Variants in UNC79 observed in about 807,000 individuals in gnomAD.
UNC79 encodes the protein protein unc-79 homolog.
In UNC79, 37 loss-of-function variants were observed where a neutral mutation model predicts 283.1. The ratio of observed to expected loss-of-function variants is 0.13; its 90% CI spans 0.10 to 0.17. UNC79 has a LOEUF of 0.17. Among genes scored for constraint, UNC79 ranks in the 10% least tolerant of loss-of-function variants. The pLI is 1.00. For synonymous variants in UNC79, 1,107 were observed against 1,200.2 expected (o/e 0.92, Z 1.61); for missense variants, 2,272 against 3,211.1 (o/e 0.71, Z 7.07).
At chr14:93,519,921 A>G (rs960931071) in intron 7 of UNC79, among the ~76,000 whole-genome samples, 1 of 151,882 alleles carries the variant, frequency 6.6e-6, no homozygotes, top group East Asian at 1.9e-4. Flanking sequence ...TAAATAATCA[A>G]CCATCTTTTA....
At chr14:93,707,063 A>C, downstream of UNC79, 1 of 785,582 alleles carries the variant, frequency 1.3e-6, no homozygotes, top group Non-Finnish European at 1.9e-6. Flanking sequence ...CCGAAAATGA[A>C]GCTTTCTTGC....
chr14:93,399,257 A>C (rs2055058656), intron 1 of UNC79, among the ~76,000 whole-genome samples: 2 of 152,164 alleles, frequency 1.3e-5, no homozygotes, highest in African/African-American at 4.8e-5. Flanking sequence ...TGGGGATTAC[A>C]ATTTGAGATG....
At chr14:93,472,185 T>C (rs2057545345) in intron 2 of UNC79, among the ~76,000 whole-genome samples, 1 of 152,200 alleles carries the variant, frequency 6.6e-6, no homozygotes, top group African/African-American at 2.4e-5. Flanking sequence ...CTCTGACTTA[T>C]AGCCATTGTG....
At chr14:93,679,183 G>A (rs955622669) in intron 41 of UNC79, among the ~76,000 whole-genome samples, 9 of 152,098 alleles carry the variant, frequency 5.9e-5, no homozygotes, top group Non-Finnish European at 8.8e-5. Context: ...ATATTCGACC[G>A]GGTGTGGTGC....
intron 40 of UNC79, among the ~76,000 whole-genome samples, chr14:93,664,523 G>T (rs964952984): frequency 6.6e-6 from 1 of 152,160 alleles, no homozygotes; most frequent in Non-Finnish European, 1.5e-5. Flanking sequence ...CAGGCAGGGA[G>T]TTTGATCTGA....
intron 41 of UNC79, among the ~76,000 whole-genome samples, chr14:93,678,689 T>C (rs11844312): frequency 0.74 from 111,978 of 151,776 alleles, 42,353 homozygotes; most frequent in African/African-American, 0.88. Flanking sequence ...ATTCCCCAGC[T>C]GCCTCTATTG....
At chr14:93,659,337 T>C in intron 39 of UNC79, 76 bp downstream of exon 42, 1 of 1,185,946 alleles carries the variant, frequency 8.4e-7, no homozygotes, top group Non-Finnish European at 1.2e-6. Flanking sequence ...CTTGTAGCAA[T>C]ACTGAAGACA....
chr14:93,361,301 A>G (rs2139942402), intron 1 of UNC79, among the ~76,000 whole-genome samples: 1 of 151,628 alleles, frequency 6.6e-6, no homozygotes, highest in South Asian at 2.1e-4. Flanking sequence ...TTTTGTAGGC[A>G]ACACATTCCT....
chr14:93,558,044 A>G (rs1465809126), intron 14 of UNC79, among the ~76,000 whole-genome samples: 1 of 152,154 alleles, frequency 6.6e-6, no homozygotes, highest in African/African-American at 2.4e-5. Context: ...CAAGAGGGAA[A>G]CTACATTTGG....
intron 4 of UNC79, among the ~76,000 whole-genome samples, chr14:93,487,100 A>G (rs2140461040): frequency 6.6e-6 from 1 of 152,330 alleles, no homozygotes; most frequent in South Asian, 2.1e-4. Context: ...GTTTGAATAA[A>G]ACTGTTTAAT....
intron 1 of UNC79, among the ~76,000 whole-genome samples, chr14:93,420,177 A>AT (rs1198256140): frequency 2.0e-5 from 3 of 147,448 alleles, no homozygotes; most frequent in Non-Finnish European, 4.5e-5. Flanking sequence ...GGCTGAACAG[A>AT]TAAAAAAAAA....
chr14:93,540,043 C>G (rs565905781), intron 12 of UNC79, among the ~76,000 whole-genome samples: 1 of 152,276 alleles, frequency 6.6e-6, no homozygotes, highest in East Asian at 1.9e-4. Context: ...TACCTTGGTT[C>G]AAAGGGTATG....
chr14:93,345,850 A>C (rs2053815269), intron 1 of UNC79, among the ~76,000 whole-genome samples: 1 of 152,034 alleles, frequency 6.6e-6, no homozygotes. Flanking sequence ...ACCCATATCT[A>C]ACAGTATCCT....
intron 1 of UNC79, among the ~76,000 whole-genome samples, chr14:93,407,850 C>T (rs146577157): frequency 6.8e-4 from 103 of 152,166 alleles, no homozygotes; most frequent in African/African-American, 2.1e-3. Flanking sequence ...AAGACGCAGA[C>T]GATTTAAGAA....
At chr14:93,657,798 A>G (rs1181082761) in intron 38 of UNC79, among the ~76,000 whole-genome samples, 1 of 152,190 alleles carries the variant, frequency 6.6e-6, no homozygotes, top group East Asian at 1.9e-4. Context: ...CCCTGCCTAC[A>G]GGGTTAATAA....
intron 7 of UNC79, among the ~76,000 whole-genome samples, chr14:93,500,169 C>T (rs76367525): frequency 0.014 from 2,096 of 152,292 alleles, 59 homozygotes; most frequent in African/African-American, 0.048. Flanking sequence ...CACCCATCCC[C>T]GTGGCCATTG....
intron 5 of UNC79, among the ~76,000 whole-genome samples, chr14:93,490,793 T>C (rs1341930037): frequency 6.6e-6 from 1 of 152,216 alleles, no homozygotes; most frequent in African/African-American, 2.4e-5. Context: ...AAAGGTCTAT[T>C]CATGGCAATA....
intron 41 of UNC79, among the ~76,000 whole-genome samples, chr14:93,680,877 G>A (rs2073792629): frequency 6.6e-6 from 1 of 152,202 alleles, no homozygotes; most frequent in South Asian, 2.1e-4. Context: ...AGGAGACTGG[G>A]TTGGGAGTGT....
At chr14:93,394,637 C>T (rs1187968649) in intron 1 of UNC79, among the ~76,000 whole-genome samples, 1 of 152,052 alleles carries the variant, frequency 6.6e-6, no homozygotes, top group African/African-American at 2.4e-5. Context: ...CCTTGAGCTC[C>T]TGACCATGAT....
Sources: allele counts gnomAD v4.1 joint callset (sites outside exome capture counted in the v4.1 genomes callset), GRCh38; gene constraint gnomAD v4.1.1; transcripts MANE v1.5; gene names NCBI Gene and HGNC (gene_info 2026-07-23, HGNC 2026-07-21).